GALNT16: variants seen among roughly 807,000 people sequenced by gnomAD.
GALNT16 encodes polypeptide N-acetylgalactosaminyltransferase 16.
A neutral mutation model predicts 76.1 loss-of-function variants in GALNT16; 40 were observed. The ratio of observed to expected loss-of-function variants is 0.53; its 90% CI spans 0.41 to 0.68. The LOEUF is 0.68. GALNT16 is among the 30% of genes least tolerant of loss of function. The pLI, the probability that GALNT16 is intolerant of heterozygous loss-of-function variation, is 0.00. For synonymous variants in GALNT16, 276 were observed against 285.2 expected, an observed-to-expected ratio of 0.97 and a Z score of 0.32; for missense variants, 621 against 731.9, an observed-to-expected ratio of 0.85 and a Z score of 1.75.
At chr14:69,288,872 G>T (rs1175016465) in intron 1 of GALNT16, among the ~76,000 whole-genome samples, 1 of 152,084 alleles carries the variant, frequency 6.6e-6, no homozygotes, top group Non-Finnish European at 1.5e-5. Flanking sequence ...CTAGCGAGTG[G>T]ATAGAAGTCT....
chr14:69,264,815 C>CTTTTTTTTTTTTTT (rs1436985515), intron 1 of GALNT16, among the ~76,000 whole-genome samples: 2 of 44,944 alleles, frequency 4.4e-5, no homozygotes, highest in African/African-American at 2.2e-4. Context: ...TTTTCTTTTT[C>CTTTTTTTTTTTTTT]TTTCTTTTTT....
chr14:69,307,278 G>C (rs923772186), intron 1 of GALNT16, among the ~76,000 whole-genome samples: 4 of 152,166 alleles, frequency 2.6e-5, no homozygotes, highest in Non-Finnish European at 5.9e-5. Context: ...CGTGACAAAC[G>C]TACCTCGAGC....
In GALNT16 at chr14:69,333,089, C is replaced by T. The variant is rs2274440; in HGVS notation, c.783C>T (p.Phe261=). The change falls in exon 8 of 15, where the codon TTC becomes TTT. Residue 261 remains phenylalanine (F), a synonymous_variant. Coordinates refer to ENST00000448469, the MANE Select transcript of GALNT16 (RefSeq NM_001168368.2). The surrounding 1 kb of genome is among the most constrained non-coding windows in gnomAD (Gnocchi z 4.2). ...TCACCTTGCTGTGTCCCTTAGGGTT[C>T]GACTGGAGCCTGCATTTCAAGTGGG... The part of the protein sequence containing the change: ...LAASADLRGG[F]DWSLHFKWEQ... The T allele has an allele frequency of 0.061, 98,011 of 1,610,780 alleles. 3,810 individuals carry two copies. The highest frequency in any genetic ancestry group is 0.18 in the East Asian group (8,116 of 44,822).
At chr14:69,295,185 G>A (rs1036262009) in intron 1 of GALNT16, among the ~76,000 whole-genome samples, 5 of 152,122 alleles carry the variant, frequency 3.3e-5, no homozygotes, top group East Asian at 1.9e-4. Context: ...AGGCTGAGGC[G>A]GGTGGATTGC....
At chr14:69,373,876 GC>G in the GALNT16 span, among the ~76,000 whole-genome samples, 1 of 152,114 alleles carries the variant, frequency 6.6e-6, no homozygotes, top group Non-Finnish European at 1.5e-5. Flanking sequence ...GACCTCCTGG[GC>G]TTAAGCAATC....
At chr14:69,266,897 CAG>C (rs1281049302) in intron 1 of GALNT16, among the ~76,000 whole-genome samples, 1 of 152,182 alleles carries the variant, frequency 6.6e-6, no homozygotes, top group Non-Finnish European at 1.5e-5. Context: ...CAAGCAAGGA[CAG>C]AGAGAGGAAG....
chr14:69,266,316 C>T (rs946284928), intron 1 of GALNT16, among the ~76,000 whole-genome samples: 1 of 152,178 alleles, frequency 6.6e-6, no homozygotes, highest in Non-Finnish European at 1.5e-5. Flanking sequence ...TGGGTTTTTA[C>T]CCCCAAATTT....
chr14:69,377,000 G>A, the GALNT16 span, among the ~76,000 whole-genome samples: 1 of 152,146 alleles, frequency 6.6e-6, no homozygotes, highest in Non-Finnish European at 1.5e-5. Context: ...GCTACTGTGT[G>A]TTTCCGTGTG....
chr14:69,379,023 T>C, the GALNT16 span, among the ~76,000 whole-genome samples: 1 of 152,196 alleles, frequency 6.6e-6, no homozygotes, highest in African/African-American at 2.4e-5. Context: ...CTGCAACCTC[T>C]GTCTCCCTGG....
Position 69,325,954 on chromosome 14 carries a change from A to T in GALNT16, c.503-8A>T, listed in dbSNP as rs1234203201. 6.2e-7 allele frequency: 1 copy of T among 1,613,068 alleles called. No homozygotes were observed. Among genetic ancestry groups the T allele is most frequent in the Non-Finnish European group, 8.5e-7 (1 of 1,179,060 alleles). On this transcript the variant is annotated splice_polypyrimidine_tract_variant and splice_region_variant and intron_variant, in intron 4 of 14. Transcript: ENST00000448469. ...TAAATGAGCTTGCCTTCCTCTTTGC[A>T]TCCTCAGCGGAAGACTGTCTACTCC... is the stretch of plus-strand genomic sequence containing the variant.
chr14:69,260,450 C>G lies in GALNT16; in HGVS notation c.160C>G (p.Arg54Gly). The G allele has an allele frequency of 6.5e-7, 1 of 1,549,754 alleles. No individual in the cohort carries two copies. Among genetic ancestry groups the G allele is most frequent in the Non-Finnish European group, 8.7e-7 (1 of 1,148,044 alleles). Residue 54 changes from arginine (R) to glycine (G), a missense_variant, in exon 1 of 15, where the codon CGC (arginine) becomes GGC (glycine). Transcript: ENST00000448469. The part of the protein sequence containing the change: ...GRRSEQLRED[R>G]TIPLIVTGTP... ...GAGGTCGGAGCAGCTCCGCGAGGAC[C>G]GCACCATCCCGCTCATTGTGAGTAC...
At chr14:69,322,981 TGCGC>T (rs1555400172) in intron 2 of GALNT16, among the ~76,000 whole-genome samples, 4 of 28,324 alleles carry the variant, frequency 1.4e-4, no homozygotes, top group African/African-American at 5.5e-4. Context: ...TGTGTGTGTG[TGCGC>T]GCGCACGCGC....
chr14:69,377,813 A>G, the GALNT16 span, among the ~76,000 whole-genome samples: 1 of 142,814 alleles, frequency 7.0e-6, no homozygotes, highest in African/African-American at 2.7e-5. Context: ...TCAAAAAAAA[A>G]AAAAAAAAAA....
At chr14:69,325,147 T>C (rs944232064) in intron 3 of GALNT16, among the ~76,000 whole-genome samples, 190 bp from the exon 4 acceptor site, 1 of 152,164 alleles carries the variant, frequency 6.6e-6, no homozygotes, top group Non-Finnish European at 1.5e-5. Context: ...AAGCCTGGGC[T>C]TGTGGTCAAG....
downstream of GALNT16, chr14:69,354,708 C>A (rs144749985): frequency 0.01 from 1,578 of 152,394 alleles, 24 homozygotes; most frequent in Non-Finnish European, 0.011. Context: ...GGCCTTGGAC[C>A]AAAACCAGGA....
chr14:69,328,410 G>T, intron 5 of GALNT16, 40 bp from the exon 6 acceptor site: 1 of 1,599,688 alleles, frequency 6.3e-7, no homozygotes, highest in Non-Finnish European at 8.5e-7. Context: ...AAGCCAGTTG[G>T]CCCAGTCCCA....
chr14:69,288,884 C>A (rs12434956), intron 1 of GALNT16, among the ~76,000 whole-genome samples: 24,304 of 149,322 alleles, frequency 0.16, 2,796 homozygotes, highest in East Asian at 0.5. Flanking sequence ...TAGAAGTCTT[C>A]TTTTTTTTTT....
intron 1 of GALNT16, among the ~76,000 whole-genome samples, chr14:69,319,461 C>T (rs2045146540): frequency 6.6e-6 from 1 of 152,238 alleles, no homozygotes; most frequent in African/African-American, 2.4e-5. Context: ...GCAATTCTCA[C>T]CCTCCTTTCT....
At chr14:69,296,735 T>TCG (rs1555397884) in intron 1 of GALNT16, among the ~76,000 whole-genome samples, 1 of 94,370 alleles carries the variant, frequency 1.1e-5, no homozygotes, top group Non-Finnish European at 2.1e-5. Context: ...AGATGATAGA[T>TCG]AGATAGATAG....
Sources: allele counts gnomAD v4.1 joint callset (sites outside exome capture counted in the v4.1 genomes callset), GRCh38; gene constraint gnomAD v4.1.1; non-coding constraint Gnocchi (gnomAD v3.1); transcripts MANE v1.5; gene names NCBI Gene and HGNC (gene_info 2026-07-23, HGNC 2026-07-21).